Variants in HNF4G observed in about 807,000 individuals in gnomAD.
The protein encoded by HNF4G is hepatocyte nuclear factor 4-gamma.
A neutral mutation model predicts 50.9 loss-of-function variants in HNF4G; 21 were observed. The observed-to-expected ratio is 0.41, with a 90% CI of 0.29 to 0.59. The LOEUF is 0.59. HNF4G is among the 20% of genes least tolerant of loss of function. HNF4G has a pLI of 0.26. For missense variants in HNF4G, 527 were observed against 559.4 expected, an observed-to-expected ratio of 0.94 and a Z score of 0.58; for synonymous variants, 198 against 185.6, an observed-to-expected ratio of 1.07 and a Z score of -0.54.
chr8:75,485,106 T>A (rs1396617570), intron 1 of HNF4G, among the ~76,000 whole-genome samples: 3 of 152,204 alleles, frequency 2.0e-5, no homozygotes, highest in Admixed American at 6.5e-5. Flanking sequence ...TTATATTAAT[T>A]TGTTAATAAA....
At chr8:75,530,085 A>G (rs577409390) in intron 2 of HNF4G, among the ~76,000 whole-genome samples, 59 of 152,232 alleles carry the variant, frequency 3.9e-4, no homozygotes, top group African/African-American at 1.0e-3. Flanking sequence ...CAGAGTTCCA[A>G]CCAAGATATC....
At chr8:75,523,396 G>T (rs1806097047) in intron 2 of HNF4G, among the ~76,000 whole-genome samples, 1 of 151,874 alleles carries the variant, frequency 6.6e-6, no homozygotes, top group South Asian at 2.1e-4. Context: ...TCTCTAATTG[G>T]CATCTAGGTC....
chr8:75,533,920 T>G (rs1386062668), intron 2 of HNF4G, among the ~76,000 whole-genome samples: 3 of 151,914 alleles, frequency 2.0e-5, no homozygotes, highest in Non-Finnish European at 4.4e-5. Context: ...ATATGTTTAT[T>G]TATTTATCTG....
intron 2 of HNF4G, among the ~76,000 whole-genome samples, chr8:75,517,486 A>G (rs1038258406): frequency 2.6e-5 from 4 of 152,198 alleles, no homozygotes; most frequent in African/African-American, 9.6e-5. Flanking sequence ...TTGGGTAAAT[A>G]CACCTGTTCC....
intron 2 of HNF4G, among the ~76,000 whole-genome samples, chr8:75,497,961 T>A (rs191168844): frequency 1.3e-5 from 2 of 152,152 alleles, no homozygotes; most frequent in East Asian, 3.9e-4. Context: ...CTGAAATTTT[T>A]AAAATAAATT....
intron 1 of HNF4G, among the ~76,000 whole-genome samples, chr8:75,438,204 A>G (rs1448790521): frequency 6.6e-6 from 1 of 152,230 alleles, no homozygotes; most frequent in East Asian, 1.9e-4. Flanking sequence ...TTAAGAAATC[A>G]TGAGTTCACT....
intron 2 of HNF4G, among the ~76,000 whole-genome samples, chr8:75,490,649 A>C (rs981895786): frequency 2.0e-5 from 3 of 152,108 alleles, no homozygotes; most frequent in African/African-American, 7.2e-5. Flanking sequence ...TGGTAGAGTC[A>C]ATGTTCTGAA....
intron 1 of HNF4G, among the ~76,000 whole-genome samples, chr8:75,420,408 C>T (rs1810749333): frequency 6.6e-6 from 1 of 152,218 alleles, no homozygotes; most frequent in African/African-American, 2.4e-5. Flanking sequence ...AAAGTCCAGA[C>T]TCTTTCTTGC....
chr8:75,545,502 C>A (rs1402747697), intron 2 of HNF4G, among the ~76,000 whole-genome samples: 2 of 152,048 alleles, frequency 1.3e-5, no homozygotes, highest in Non-Finnish European at 2.9e-5. Context: ...TAGTATTCAG[C>A]AAATGTTATG....
In HNF4G at chr8:75,540,655, G is replaced by C. The variant is rs147317475; in HGVS notation, c.118+575G>C. Among the ~76,000 whole-genome samples the C allele has an allele frequency of 4.5e-3, 690 of 152,172 alleles. 9 individuals carry two copies. Among genetic ancestry groups the C allele is most frequent in the Non-Finnish European group, 5.2e-3 (352 of 67,996 alleles). ...GGCTAATGTTTAGCCGCACAAAGCT[G>C]TTGGTATTTAATTACTGTAACATTT... On this transcript the variant is annotated intron_variant, in intron 1 of 9. Transcript: ENST00000396423.
chr8:75,430,498 G>GAA (rs1174622021), intron 1 of HNF4G, among the ~76,000 whole-genome samples: 58 of 145,946 alleles, frequency 4.0e-4, no homozygotes, highest in African/African-American at 1.5e-3. Flanking sequence ...GAGAGAGAGA[G>GAA]AGAGGGAGAG....
chr8:75,540,683 A>G (rs1806592430), intron 1 of HNF4G, among the ~76,000 whole-genome samples: 1 of 152,124 alleles, frequency 6.6e-6, no homozygotes, highest in South Asian at 2.1e-4. Flanking sequence ...TAACATTTTA[A>G]CTTTAAATAA....
chr8:75,496,326 G>A (rs1046336629), intron 2 of HNF4G, among the ~76,000 whole-genome samples: 1 of 151,732 alleles, frequency 6.6e-6, no homozygotes, highest in African/African-American at 2.4e-5. Context: ...ATACCTACTG[G>A]CAGGGTTCTA....
chr8:75,449,015 G>C lies in HNF4G; in HGVS notation c.-144+40853G>C, dbSNP rs367614539. Among the ~76,000 whole-genome samples the C allele has an allele frequency of 1.1e-3, 174 of 152,074 alleles. 1 individual carries two copies. Among genetic ancestry groups the C allele is most frequent in the African/African-American group, 3.6e-3 (150 of 41,488 alleles). Reference sequence around the variant, plus strand: ...TTTCACAAAAACTGAGATTTGGGGGGGTATAGCAGTTAGAATGAAGATCAT... The same window carrying C: ...TTTCACAAAAACTGAGATTTGGGGGCGTATAGCAGTTAGAATGAAGATCAT... On this transcript the variant is annotated intron_variant, in intron 1 of 10. Transcript: ENST00000354370.
At chr8:75,540,661 A>G (rs1456891453) in intron 1 of HNF4G, among the ~76,000 whole-genome samples, 1 of 152,136 alleles carries the variant, frequency 6.6e-6, no homozygotes, top group African/African-American at 2.4e-5. Flanking sequence ...AGCTGTTGGT[A>G]TTTAATTACT....
chr8:75,504,505 CACATAT>C (rs10565659), intron 2 of HNF4G, among the ~76,000 whole-genome samples: 41,866 of 151,748 alleles, frequency 0.28, 7,083 homozygotes, highest in African/African-American at 0.48. Context: ...AACATATATA[CACATAT>C]ACATATACTT....
At chr8:75,558,195 T>C (rs1048539708) in intron 6 of HNF4G, among the ~76,000 whole-genome samples, 5 of 152,234 alleles carry the variant, frequency 3.3e-5, no homozygotes, top group Non-Finnish European at 4.4e-5. Flanking sequence ...AAAACGCTAA[T>C]AGATGTCTGA....
intron 1 of HNF4G, among the ~76,000 whole-genome samples, chr8:75,486,346 G>A (rs914125411): frequency 6.6e-6 from 1 of 152,086 alleles, no homozygotes; most frequent in African/African-American, 2.4e-5. Flanking sequence ...ATGCTTTCTG[G>A]TTGAACCTTA....
At chr8:75,452,718 C>CA (rs556934761) in intron 1 of HNF4G, among the ~76,000 whole-genome samples, 6,474 of 124,956 alleles carry the variant, frequency 0.052, 155 homozygotes, top group Middle Eastern at 0.15. Context: ...GACTCCGTCT[C>CA]AAAAAAAAAA....
Sources: gnomAD v4.1 joint callset for allele counts (sites outside exome capture counted in the v4.1 genomes callset) on GRCh38, gnomAD v4.1.1 for gene constraint, MANE v1.5 for transcripts, NCBI Gene and HGNC (gene_info 2026-07-23, HGNC 2026-07-21) for gene names.